Variants in TMTC2 observed in about 807,000 individuals in gnomAD.
TMTC2 encodes the protein transmembrane O-mannosyltransferase targeting cadherins 2.
TMTC2 carries 43 observed loss-of-function variants against 82.4 expected under a neutral mutation model. That is an observed-to-expected ratio of 0.52 (90% confidence interval 0.41 to 0.67). TMTC2 has a LOEUF of 0.67. TMTC2 is among the 30% of genes least tolerant of loss of function. The probability of loss-of-function intolerance (pLI) is 0.00; values close to 1 mark genes in which losing one functional copy is unlikely to be tolerated. For missense variants in TMTC2, 919 were observed against 1,012.4 expected (o/e 0.91, Z 1.25); for synonymous variants, 408 against 381.9 (o/e 1.07, Z -0.80).
At chr12:82,695,354 C>T (rs7979455) in intron 1 of TMTC2, among the ~76,000 whole-genome samples, 5,015 of 152,220 alleles carry the variant, frequency 0.033, 187 homozygotes, top group East Asian at 0.12. Context: ...TATAAAGACA[C>T]TGAAAGGATG....
chr12:82,764,980 G>A (rs12306126), intron 1 of TMTC2, among the ~76,000 whole-genome samples: 1 of 147,360 alleles, frequency 6.8e-6, no homozygotes, highest in Admixed American at 6.7e-5. Flanking sequence ...TGGGCGGGGG[G>A]GTGACTGCAC....
intron 1 of TMTC2, among the ~76,000 whole-genome samples, chr12:82,821,884 G>A (rs1869134820): frequency 2.4e-5 from 3 of 123,842 alleles, no homozygotes; most frequent in East Asian, 2.2e-4. Context: ...GCAAGACTCC[G>A]TCTCAAAAAA....
intron 11 of TMTC2, among the ~76,000 whole-genome samples, chr12:83,083,559 T>C (rs1036584948): frequency 2.0e-5 from 3 of 152,174 alleles, no homozygotes; most frequent in Middle Eastern, 3.2e-3. Context: ...TGGCAGGTAC[T>C]TGGTTCTTCT....
chr12:83,092,318 C>T (rs950424112), intron 11 of TMTC2, among the ~76,000 whole-genome samples: 1 of 152,180 alleles, frequency 6.6e-6, no homozygotes, highest in Non-Finnish European at 1.5e-5. Context: ...TCCTGCCCCC[C>T]TTAGAGCATT....
At chr12:83,119,126 A>AT (rs1331822786) in intron 11 of TMTC2, among the ~76,000 whole-genome samples, 2 of 151,366 alleles carry the variant, frequency 1.3e-5, no homozygotes, top group Admixed American at 6.6e-5. Flanking sequence ...TATCTTTTGG[A>AT]TTTTTTTGTT....
At chr12:82,956,229 A>T (rs183865903) in intron 4 of TMTC2, among the ~76,000 whole-genome samples, 7 of 152,270 alleles carry the variant, frequency 4.6e-5, no homozygotes, top group African/African-American at 1.7e-4. Context: ...CTCACATATT[A>T]ATATTAATCA....
At chr12:82,758,937 C>T (rs191026484) in intron 1 of TMTC2, 9 of 151,944 alleles carry the variant, frequency 5.9e-5, no homozygotes, top group African/African-American at 1.9e-4. Context: ...GAAAACATAC[C>T]GGATTGAGTG....
chr12:82,935,325 G>A (rs1238066619), intron 4 of TMTC2, among the ~76,000 whole-genome samples: 1 of 152,084 alleles, frequency 6.6e-6, no homozygotes, highest in Non-Finnish European at 1.5e-5. Context: ...TAGATATCAT[G>A]CATTTATTGT....
At chr12:82,706,543 A>G (rs180866867) in intron 1 of TMTC2, among the ~76,000 whole-genome samples, 155 of 152,302 alleles carry the variant, frequency 1.0e-3, no homozygotes, top group African/African-American at 3.2e-3. Flanking sequence ...CCAACACAGA[A>G]AAACAGGTAG....
At chr12:82,810,702 C>G (rs146377194) in intron 1 of TMTC2, among the ~76,000 whole-genome samples, 4 of 152,078 alleles carry the variant, frequency 2.6e-5, no homozygotes, top group Non-Finnish European at 4.4e-5. Context: ...ATAATCCCCA[C>G]GTGTCAAGGG....
intron 11 of TMTC2, among the ~76,000 whole-genome samples, chr12:83,128,351 G>A (rs931012620): frequency 6.6e-6 from 1 of 151,840 alleles, no homozygotes; most frequent in Non-Finnish European, 1.5e-5. Context: ...TTATCAAAAG[G>A]CTTTTCATAC....
At chr12:83,064,036 T>A (rs1256755029) in intron 11 of TMTC2, among the ~76,000 whole-genome samples, 4 of 151,876 alleles carry the variant, frequency 2.6e-5, no homozygotes, top group Non-Finnish European at 4.4e-5. Flanking sequence ...TTCTTTTTTT[T>A]TTATTGCCTT....
chr12:82,861,278 T>C (rs1269778856), intron 2 of TMTC2, among the ~76,000 whole-genome samples: 1 of 152,196 alleles, frequency 6.6e-6, no homozygotes, highest in Non-Finnish European at 1.5e-5. Context: ...CCAGTTTTGA[T>C]TGCAGTTTAC....
chr12:83,020,618 A>G (rs1880873787), intron 8 of TMTC2, among the ~76,000 whole-genome samples: 1 of 152,070 alleles, frequency 6.6e-6, no homozygotes, highest in Non-Finnish European at 1.5e-5. Flanking sequence ...GATAACCCTT[A>G]TGATAAGATG....
chr12:82,757,866 G>A (rs1876422972), intron 1 of TMTC2, among the ~76,000 whole-genome samples: 1 of 152,072 alleles, frequency 6.6e-6, no homozygotes, highest in Non-Finnish European at 1.5e-5. Context: ...AGGCAAATTG[G>A]TATGGCAGGA....
At chr12:82,763,513 C>G (rs1184952310) in intron 1 of TMTC2, among the ~76,000 whole-genome samples, 1 of 152,116 alleles carries the variant, frequency 6.6e-6, no homozygotes. Context: ...TGTTTCATAC[C>G]CAGCTCTGGT....
At chr12:82,887,460 T>G (rs533967850) in intron 2 of TMTC2, among the ~76,000 whole-genome samples, 1 of 152,322 alleles carries the variant, frequency 6.6e-6, no homozygotes, top group African/African-American at 2.4e-5. Flanking sequence ...TGGCAGAGTC[T>G]TCTCATTGGC....
chr12:83,074,598 A>G (rs1883222999), intron 11 of TMTC2, among the ~76,000 whole-genome samples: 1 of 151,938 alleles, frequency 6.6e-6, no homozygotes. Context: ...TTGCTGAGTC[A>G]TGTGGTTGTC....
intron 11 of TMTC2, among the ~76,000 whole-genome samples, chr12:83,082,921 G>T (rs1883523451): frequency 6.6e-6 from 1 of 152,172 alleles, no homozygotes. Flanking sequence ...ACATGTCCTG[G>T]TAGGCAATAC....
Sources: gnomAD v4.1 joint callset for allele counts (sites outside exome capture counted in the v4.1 genomes callset) on GRCh38, gnomAD v4.1.1 for gene constraint, MANE v1.5 for transcripts, NCBI Gene and HGNC (gene_info 2026-07-23, HGNC 2026-07-21) for gene names.